The following LIMCH1 variants were observed in gnomAD, a reference collection of about 807,000 sequenced individuals.
LIMCH1 encodes LIM and calponin homology domains 1.
A neutral mutation model predicts 176.5 loss-of-function variants in LIMCH1; 113 were observed. The ratio of observed to expected loss-of-function variants is 0.64; its 90% CI spans 0.55 to 0.75. LIMCH1 has a LOEUF of 0.75. Among genes scored for constraint, LIMCH1 ranks in the 30% least tolerant of loss-of-function variants. The pLI, the probability that LIMCH1 is intolerant of heterozygous loss-of-function variation, is 0.00. For synonymous variants in LIMCH1, 619 were observed against 645.9 expected, an observed-to-expected ratio of 0.96 and a Z score of 0.63; for missense variants, 1,674 against 1,814.9, an observed-to-expected ratio of 0.92 and a Z score of 1.41.
upstream of LIMCH1, among the ~76,000 whole-genome samples, chr4:41,533,215 ACAGTC>A (rs2077513379): frequency 6.6e-6 from 1 of 152,246 alleles, no homozygotes; most frequent in Non-Finnish European, 1.5e-5. Flanking sequence ...GATGGAAGTC[ACAGTC>A]CTTTATAACC....
rs568611008 is a variant in LIMCH1 at position 41,547,730 on chromosome 4, A to G, written c.-241+9380A>G. ...ATAGTATACACATATATACATATAT[A>G]ATATATACATAAATAATATATAAAA... On this transcript the variant is annotated intron_variant, in intron 1 of 31. Coordinates refer to ENST00000503057, the MANE Select transcript of LIMCH1 (RefSeq NM_001330672.2). 3.5e-4 allele frequency among the ~76,000 whole-genome samples: 51 copies of G among 145,780 alleles called. No homozygotes were observed. In the South Asian group the frequency reaches 9.5e-3, roughly 27 times the overall value.
At chr4:41,390,718 G>A (rs2057137866) in intron 1 of LIMCH1, among the ~76,000 whole-genome samples, 1 of 152,108 alleles carries the variant, frequency 6.6e-6, no homozygotes, top group African/African-American at 2.4e-5. Flanking sequence ...TAGGTACTCA[G>A]TAGGTTACTT....
intron 1 of LIMCH1, among the ~76,000 whole-genome samples, chr4:41,452,347 C>T (rs536568207): frequency 3.4e-4 from 52 of 152,246 alleles, no homozygotes; most frequent in Non-Finnish European, 6.3e-4. Context: ...TTCTTCATCA[C>T]GGATACCTAG....
At chr4:41,688,456 G>A (rs1383123392) in intron 29 of LIMCH1, among the ~76,000 whole-genome samples, 2 of 152,314 alleles carry the variant, frequency 1.3e-5, no homozygotes, top group South Asian at 2.1e-4. Flanking sequence ...CTTTGATGTA[G>A]AAATTTCATT....
chr4:41,384,625 G>A (rs923042053), intron 1 of LIMCH1, among the ~76,000 whole-genome samples: 31 of 152,226 alleles, frequency 2.0e-4, no homozygotes, highest in African/African-American at 7.0e-4. Context: ...TAGCCTGACT[G>A]GTTGGGCACA....
chr4:41,581,828 A>AAAAAAAAAAAAAAAAAAAAAAAAAAC (rs2085527320), intron 1 of LIMCH1, among the ~76,000 whole-genome samples: 1 of 150,470 alleles, frequency 6.6e-6, no homozygotes, highest in Non-Finnish European at 1.5e-5. Flanking sequence ...AAAAAAAAAA[A>AAAAAAAAAAAAAAAAAAAAAAAAAAC]AACAACAGCA....
intron 2 of LIMCH1, among the ~76,000 whole-genome samples, chr4:41,503,340 C>T (rs562887928): frequency 8.6e-4 from 131 of 152,222 alleles, no homozygotes; most frequent in African/African-American, 2.2e-3. Flanking sequence ...CTGCCCTACC[C>T]TACAACTGCC....
intron 1 of LIMCH1, among the ~76,000 whole-genome samples, chr4:41,567,730 G>A (rs2082959729): frequency 6.6e-6 from 1 of 152,190 alleles, no homozygotes; most frequent in South Asian, 2.1e-4. Context: ...AGGTCTTTTT[G>A]TGTTTATCTT....
At chr4:41,417,111 CTATGCTATAGGCATTGTTTCTTT>C (rs1561300120) in intron 1 of LIMCH1, among the ~76,000 whole-genome samples, 2 of 94,378 alleles carry the variant, frequency 2.1e-5, no homozygotes, top group Non-Finnish European at 4.1e-5. Context: ...GAGGGGTTAT[CTATGCTATAGGCATTGTTTCTTT>C]GTGAGGGGTT....
intron 1 of LIMCH1, among the ~76,000 whole-genome samples, chr4:41,577,554 T>C (rs553668590): frequency 2.0e-5 from 3 of 152,238 alleles, no homozygotes; most frequent in African/African-American, 4.8e-5. Context: ...CTCAGCTTCC[T>C]GAATAACCGA....
At position 41,626,703 on chromosome 4, in the gene LIMCH1, A is replaced by C. The variant is rs759409720; in HGVS notation, c.726-5A>C. On this transcript the variant is annotated splice_region_variant and splice_polypyrimidine_tract_variant and intron_variant, in intron 7 of 31. Coordinates refer to ENST00000503057, the MANE Select transcript of LIMCH1 (RefSeq NM_001330672.2). The stretch of plus-strand genomic sequence containing the variant: ...GTGGAGTCCCATTTAATTTTCCCCT[A>C]TCAGTCAAAAACAATTAAGTGAAGA... The C allele has an allele frequency of 1.3e-6, 2 of 1,533,380 alleles. No homozygotes were observed. Among genetic ancestry groups the C allele is most frequent in the South Asian group, 1.2e-5 (1 of 83,974 alleles). 95.0% of individuals were successfully genotyped at this position (1,533,380 alleles called of 1,614,324 possible). A position where few individuals can be genotyped will look rare whatever the true frequency, so the allele number is the denominator to read the frequency against.
chr4:41,375,731 G>A (rs114802412), intron 1 of LIMCH1, among the ~76,000 whole-genome samples: 4,212 of 152,292 alleles, frequency 0.028, 92 homozygotes, highest in Middle Eastern at 0.061. Context: ...AGCGGCTGTC[G>A]CCCACTGATC....
chr4:41,406,598 GA>G (rs1177567765), intron 1 of LIMCH1, among the ~76,000 whole-genome samples: 1 of 152,078 alleles, frequency 6.6e-6, no homozygotes, highest in Admixed American at 6.6e-5. Context: ...GATATTAATG[GA>G]AAAAAATTAT....
At chr4:41,527,777 T>C (rs181874344) in intron 3 of LIMCH1, among the ~76,000 whole-genome samples, 5,634 of 140,342 alleles carry the variant, frequency 0.04, 362 homozygotes, top group African/African-American at 0.14. Context: ...GAGCCAAGAT[T>C]GCGCCACTGC....
intron 1 of LIMCH1, among the ~76,000 whole-genome samples, chr4:41,406,628 G>C (rs2058989547): frequency 6.6e-6 from 1 of 152,172 alleles, no homozygotes; most frequent in Non-Finnish European, 1.5e-5. Flanking sequence ...CAAGGATTTT[G>C]TTTTGTGGCT....
intron 1 of LIMCH1, among the ~76,000 whole-genome samples, chr4:41,567,600 T>C (rs905002573): frequency 2.6e-5 from 4 of 152,186 alleles, no homozygotes; most frequent in African/African-American, 7.2e-5. Context: ...CTTTATTCCC[T>C]AGGAAAACCT....
At chr4:41,473,278 T>A in intron 1 of LIMCH1, 1 of 710,980 alleles carries the variant, frequency 1.4e-6, no homozygotes, top group Non-Finnish European at 1.7e-6. Context: ...TGTGCAATGG[T>A]ACATCCTGGT....
intron 1 of LIMCH1, among the ~76,000 whole-genome samples, chr4:41,374,104 A>G (rs1336804173): frequency 6.6e-6 from 1 of 152,142 alleles, no homozygotes; most frequent in Admixed American, 6.5e-5. Flanking sequence ...GTAGTTCTAT[A>G]TAGCAGTGTG....
intron 7 of LIMCH1, among the ~76,000 whole-genome samples, chr4:41,621,283 T>A (rs746374390): frequency 1.2e-4 from 18 of 152,174 alleles, no homozygotes; most frequent in Non-Finnish European, 2.6e-4. Flanking sequence ...CCAGTCCTGA[T>A]AGCTTCATAT....
Sources: gnomAD v4.1 joint callset for allele counts (sites outside exome capture counted in the v4.1 genomes callset) on GRCh38, gnomAD v4.1.1 for gene constraint, MANE v1.5 for transcripts, NCBI Gene and HGNC (gene_info 2026-07-23, HGNC 2026-07-21) for gene names.